Variants in MINK1 observed in about 807,000 individuals in gnomAD.
MINK1 encodes the protein misshapen-like kinase 1.
A neutral mutation model predicts 178.4 loss-of-function variants in MINK1; 46 were observed. The observed-to-expected ratio is 0.26, with a 90% CI of 0.20 to 0.33. The LOEUF (loss-of-function observed/expected upper bound fraction) is 0.33. Ranked by LOEUF, MINK1 falls within the 10% of genes least tolerant of loss-of-function variation. MINK1 has a pLI of 1.00. For missense variants in MINK1, 1,366 were observed against 1,814.9 expected, an observed-to-expected ratio of 0.75 and a Z score of 4.49; for synonymous variants, 797 against 709.7, an observed-to-expected ratio of 1.12 and a Z score of -1.96.
chr17:4,893,928 C>A, intron 21 of MINK1, 60 bp from the exon 22 acceptor site: 1 of 1,395,896 alleles, frequency 7.2e-7, no homozygotes, highest in Non-Finnish European at 9.6e-7. Context: ...CATCTGCTGC[C>A]TTTGGCACTT....
chr17:4,889,751 G>T lies in MINK1; in HGVS notation c.1335G>T (p.Ala445=). The part of the protein sequence containing the change: ...ALRREEERRQ[A]EREQEYKRKQ... ...GGCGGGAGGAGGAGCGGCGGCAGGC[G>T]GAGCGCGAGCAGGTAGAGCGCCGCA... The change falls in exon 13 of 32, where the codon GCG becomes GCT. Residue 445 remains alanine (A), a synonymous_variant. Transcript: ENST00000355280. The T allele has an allele frequency of 1.3e-6, 2 of 1,540,008 alleles. No homozygotes were observed. The highest frequency in any genetic ancestry group is 1.7e-6 in the Non-Finnish European group (2 of 1,146,092).
intron 1 of MINK1, among the ~76,000 whole-genome samples, chr17:4,869,946 GC>G (rs201295607): frequency 1 from 149,143 of 149,192 alleles, 74,547 homozygotes; most frequent in Middle Eastern, 1. Context: ...TTGCTGTGTC[GC>G]CCCAGGCTGG....
intron 1 of MINK1, among the ~76,000 whole-genome samples, chr17:4,865,420 T>C (rs1212626487): frequency 6.6e-6 from 1 of 151,640 alleles, no homozygotes; most frequent in African/African-American, 2.4e-5. Context: ...GGCAACAGGG[T>C]GAGACACTGT....
chr17:4,892,580 C>T (rs1376457771), intron 18 of MINK1, 68 bp downstream of exon 18: 5 of 1,536,508 alleles, frequency 3.3e-6, no homozygotes, highest in East Asian at 4.6e-5. Flanking sequence ...GGTGATGGCT[C>T]CCTCTGCAGT....
rs866016517 is a variant in MINK1, at chr17:4,874,981, G to A, written c.58-3336G>A. On this transcript the variant is annotated intron_variant, in intron 1 of 31. Coordinates refer to ENST00000355280, the MANE Select transcript of MINK1 (RefSeq NM_153827.5). ...ATCATTATGGCTCTAACAGGCCCACGGTATTTTCCCTCTTAGATTAGGAGT... is the reference window on the plus strand; with the variant it reads ...ATCATTATGGCTCTAACAGGCCCACAGTATTTTCCCTCTTAGATTAGGAGT... 85 of 503,956 alleles carry A rather than the reference G, an allele frequency of 1.7e-4. 3 individuals are homozygous for A. The highest frequency in any genetic ancestry group is 1.3e-3 in the Middle Eastern group (4 of 3,070). The allele number at this position is 503,956 out of a possible 1,614,324, so 31.2% of individuals were successfully genotyped here.
At chr17:4,884,043 T>A (rs1215380764) in intron 4 of MINK1, among the ~76,000 whole-genome samples, 1 of 150,978 alleles carries the variant, frequency 6.6e-6, no homozygotes, top group Non-Finnish European at 1.5e-5. Flanking sequence ...TTTTTTTTTT[T>A]TTTGAGACGG....
rs768560621 is a variant in MINK1 at position 4,887,227 on chromosome 17, G to A, written c.1019+48G>A. The A allele has an allele frequency of 8.5e-6, 13 of 1,534,938 alleles. No homozygotes were observed. The highest frequency in any genetic ancestry group is 1.2e-5 in the Non-Finnish European group (13 of 1,128,624). Reference sequence around the variant, plus strand: ...GGGTTGGGGCGGTCATCGCTGAGTGGGGGGACTACAGTGGTGCTTGGCTTT... The same window carrying A: ...GGGTTGGGGCGGTCATCGCTGAGTGAGGGGACTACAGTGGTGCTTGGCTTT... On this transcript the variant is annotated intron_variant, in intron 11 of 31. Coordinates refer to ENST00000355280, the MANE Select transcript of MINK1 (RefSeq NM_153827.5). The surrounding 1 kb of genome is among the most constrained non-coding windows in gnomAD (Gnocchi z 7.6).
At chr17:4,863,744 G>A (rs375310293) in intron 1 of MINK1, among the ~76,000 whole-genome samples, 1 of 151,884 alleles carries the variant, frequency 6.6e-6, no homozygotes, top group East Asian at 1.9e-4. Context: ...GGCAGTACCA[G>A]GAACAAATGA....
intron 1 of MINK1, among the ~76,000 whole-genome samples, chr17:4,851,718 GGGCCGTGCGT>G (rs1377089115): frequency 6.6e-6 from 1 of 151,628 alleles, no homozygotes; most frequent in Non-Finnish European, 1.5e-5. Context: ...GTCCACTCTC[GGGCCGTGCGT>G]GGTGGCTCAC....
chr17:4,868,328 C>A (rs1242087740), intron 1 of MINK1, among the ~76,000 whole-genome samples: 1 of 152,120 alleles, frequency 6.6e-6, no homozygotes, highest in East Asian at 1.9e-4. Context: ...CTGTGGTTAC[C>A]CTACTGTGCT....
chr17:4,871,837 G>C (rs1173288029), intron 1 of MINK1, among the ~76,000 whole-genome samples: 1 of 152,142 alleles, frequency 6.6e-6, no homozygotes, highest in Non-Finnish European at 1.5e-5. Context: ...CAACGCTTTT[G>C]ATTGTCCATC....
rs1028535758 is a variant in MINK1, at chr17:4,852,015, A to C, written c.57+18375A>C. On this transcript the variant is annotated intron_variant, in intron 1 of 31. Transcript: ENST00000355280. ...ACTCTGTCTCAAAAAAAAAAAAAAA[A>C]AAAAAAAAAAAACTAAGAAAGTCCA... Among the ~76,000 whole-genome samples, 16 of 151,332 alleles carry C rather than the reference A, an allele frequency of 1.1e-4. 1 individual carries two copies. Among genetic ancestry groups the C allele is most frequent in the African/African-American group, 4.9e-5 (2 of 41,204 alleles).
rs755392550 is a variant in MINK1, at chr17:4,896,200, C to T, written c.3473C>T (p.Ala1158Val). The T allele has an allele frequency of 5.6e-6, 9 of 1,596,728 alleles. No homozygotes were observed. The highest frequency in any genetic ancestry group is 7.7e-6 in the Non-Finnish European group (9 of 1,170,912). Residue 1158 changes from alanine (A) to valine (V), a missense_variant, in exon 29 of 32, where the codon GCC becomes GTC. Around this residue, in one of 14 missense-constraint regions of MINK1, gnomAD observed 201 missense variants for 240.7 expected, o/e 0.84. Coordinates refer to ENST00000355280, the MANE Select transcript of MINK1 (RefSeq NM_153827.5). This position sits in a 1 kb window ranked among gnomAD's most constrained non-coding sequence, Gnocchi z 4.6. ...YHKFMAFKSF[A>V]DLPHRPLLVD... ...TCCTCCGGTTCTCTGCAGTCCTTTG[C>T]CGACCTCCCCCACCGCCCTCTGCTG...
At position 4,886,131 on chromosome 17, in the gene MINK1, A is replaced by T; in HGVS notation, c.706A>T (p.Met236Leu). The change falls in exon 9 of 32, where the codon ATG (methionine) becomes TTG (leucine). Residue 236 changes from methionine to leucine, a missense_variant. Physicochemically the swap from Met to Leu is conservative, Grantham distance 15 (BLOSUM62 2). This residue lies in a region of MINK1 where 109 missense variants were observed against 369.4 expected (regional missense o/e 0.30). Transcript: ENST00000355280. The surrounding 1 kb of genome is among the most constrained non-coding windows in gnomAD (Gnocchi z 6.1). The stretch of plus-strand genomic sequence containing the variant: ...TCCTCTGTGTCCAGCTCTGTGTGAC[A>T]TGCACCCCATGCGAGCCCTCTTCCT... ...MAEGAPPLCD[M>L]HPMRALFLIP... The T allele has an allele frequency of 1.2e-6, 2 of 1,613,884 alleles. No homozygotes were observed. Among genetic ancestry groups the T allele is most frequent in the Non-Finnish European group, 8.5e-7 (1 of 1,179,854 alleles).
intron 1 of MINK1, among the ~76,000 whole-genome samples, chr17:4,869,821 GTTTATTTA>G (rs58447598): frequency 3.3e-4 from 46 of 139,290 alleles, no homozygotes; most frequent in Admixed American, 1.1e-3. Flanking sequence ...TATTTTATTT[GTTTATTTA>G]TTTATTTATT....
intron 1 of MINK1, among the ~76,000 whole-genome samples, chr17:4,870,226 TTTTTTTTTGAGACTGTTTTA>T (rs1915693472): frequency 6.6e-6 from 1 of 150,982 alleles, no homozygotes; most frequent in African/African-American, 2.4e-5. Flanking sequence ...TTTTTTTTTT[TTTTTTTTTGAGACTGTTTTA>T]TTTTTTGTGG....
intron 2 of MINK1, among the ~76,000 whole-genome samples, chr17:4,880,488 T>G (rs1567599687): frequency 6.7e-6 from 1 of 150,336 alleles, no homozygotes; most frequent in Non-Finnish European, 1.5e-5. Flanking sequence ...GGTTTCTCCA[T>G]GTTGGCCAGG....
chr17:4,886,735 C>A lies in MINK1; in HGVS notation c.949+109C>A. On this transcript the variant is annotated intron_variant, in intron 10 of 31. Transcript: ENST00000355280. This position sits in a 1 kb window ranked among gnomAD's most constrained non-coding sequence, Gnocchi z 6.1. ...CCCTTCCTGCTCCCCTCCTTGGCCC[C>A]AGCTCTCCCTGTCCAAGGAGATCGT... 8.2e-7 allele frequency: 1 copy of A among 1,226,782 alleles called. No individual in the cohort carries two copies. Among genetic ancestry groups the A allele is most frequent in the Non-Finnish European group, 1.1e-6 (1 of 908,144 alleles). 76.0% of individuals were successfully genotyped at this position (1,226,782 alleles called of 1,614,324 possible).
rs951583368 is a variant in MINK1 at position 4,880,857 on chromosome 17, G to A, written c.124-127G>A. 93 of 852,410 alleles carry A rather than the reference G, an allele frequency of 1.1e-4. 2 individuals are homozygous for A. The highest frequency in any genetic ancestry group is 2.6e-4 in the Admixed American group (8 of 30,536). 52.8% of individuals were successfully genotyped at this position (852,410 alleles called of 1,614,324 possible). A position where few individuals can be genotyped will look rare whatever the true frequency, so the allele number is the denominator to read the frequency against. On this transcript the variant is annotated intron_variant, in intron 2 of 31. Transcript: ENST00000355280. ...GGAGCAGGCAGTGAGCCGAGATCGCGCCACTGCACTCTAGTCTGGGCGACA... is the reference window on the plus strand; with the variant it reads ...GGAGCAGGCAGTGAGCCGAGATCGCACCACTGCACTCTAGTCTGGGCGACA...
Sources: allele counts gnomAD v4.1 joint callset (sites outside exome capture counted in the v4.1 genomes callset), GRCh38; gene constraint gnomAD v4.1.1; regional missense constraint gnomAD v4.1.1; non-coding constraint Gnocchi (gnomAD v3.1); transcripts MANE v1.5; gene names NCBI Gene and HGNC (gene_info 2026-07-23, HGNC 2026-07-21).